NOCT: variants seen among roughly 807,000 people sequenced by gnomAD.
The protein encoded by NOCT is CCR4 carbon catabolite repression 4-like.
Under a neutral mutation model 35.0 loss-of-function variants are expected in NOCT, and 18 were observed. That is an observed-to-expected ratio of 0.51 (90% CI 0.36 to 0.76). The LOEUF (loss-of-function observed/expected upper bound fraction) is 0.76. Among genes scored for constraint, NOCT ranks in the 30% least tolerant of loss-of-function variants. NOCT has a pLI of 0.01. For synonymous variants in NOCT, 235 were observed against 226.3 expected (o/e 1.04, Z -0.34); for missense variants, 479 against 541.0 (o/e 0.89, Z 1.14).
chr4:139,039,849 T>G (rs1726803740), intron 1 of NOCT, among the ~76,000 whole-genome samples: 1 of 151,962 alleles, frequency 6.6e-6, no homozygotes, highest in African/African-American at 2.4e-5. Flanking sequence ...TGCCTCACCC[T>G]CGCGAGTAGC....
Position 139,016,093 on chromosome 4 carries a change from G to T in NOCT, c.112G>T (p.Val38Phe), listed in dbSNP as rs1242352252. The T allele has an allele frequency of 2.9e-6, 4 of 1,389,510 alleles. No homozygotes were observed. In the East Asian group the frequency reaches 1.2e-4, roughly 43 times the overall value. 86.1% of individuals were successfully genotyped at this position (1,389,510 alleles called of 1,614,324 possible). Residue 38 changes from valine to phenylalanine, a missense_variant, in exon 1 of 3, where the codon GTT becomes TTT. By Grantham distance (50) the Val-to-Phe change is conservative (BLOSUM62 -1). Coordinates refer to ENST00000280614, the MANE Select transcript of NOCT (RefSeq NM_012118.4). ...LRRPLSPPAA[V>F]PRPASPRLLA... ...CCGCCCGTTGTCCCCGCCGGCTGCT[G>T]TTCCCAGGCCCGCATCCCCCCGGCT...
intron 1 of NOCT, among the ~76,000 whole-genome samples, chr4:139,019,461 A>G (rs1726371359): frequency 6.6e-6 from 1 of 152,220 alleles, no homozygotes; most frequent in Admixed American, 6.5e-5. Context: ...TGAAATGACA[A>G]AAAGAATAAC....
rs559906638 is a variant in NOCT at position 139,042,828 on chromosome 4, T to G, written c.191-246T>G. ...TACTTGGGAGGCTGAGGCAGGAGAA[T>G]TGCTTGAACCTGGGGGTGGAGGTTG... is the stretch of plus-strand genomic sequence containing the variant. On this transcript the variant is annotated intron_variant, in intron 1 of 2. Transcript: ENST00000280614. Among the ~76,000 whole-genome samples, 3 of 151,808 alleles carry G rather than the reference T, an allele frequency of 2.0e-5. No individual in the cohort carries two copies. The East Asian group carries it at 5.8e-4, about 29-fold the overall frequency.
intron 1 of NOCT, among the ~76,000 whole-genome samples, chr4:139,016,641 G>GTTTTTTTTTTTTTTTTTT (rs10541748): frequency 1.9e-5 from 1 of 53,786 alleles, no homozygotes; most frequent in Non-Finnish European, 3.2e-5. Context: ...GTTTTACGTT[G>GTTTTTTTTTTTTTTTTTT]TTTTTTTTTT....
chr4:139,035,422 C>T (rs954261782), intron 1 of NOCT, among the ~76,000 whole-genome samples: 3 of 152,194 alleles, frequency 2.0e-5, no homozygotes, highest in Non-Finnish European at 4.4e-5. Flanking sequence ...AGGCATGAGC[C>T]ACCACACCCA....
At chr4:139,019,891 G>C (rs561327716) in intron 1 of NOCT, among the ~76,000 whole-genome samples, 1 of 152,296 alleles carries the variant, frequency 6.6e-6, no homozygotes, top group South Asian at 2.1e-4. Context: ...AGAGCTGGCT[G>C]AACTACTGTT....
Position 139,016,087 on chromosome 4 carries a change from GC to G in NOCT, c.107del (p.Ala36ValfsTer47). 1 of 1,390,330 alleles carries G rather than the reference GC, an allele frequency of 7.2e-7. No individual in the cohort carries two copies. Among genetic ancestry groups the G allele is most frequent in the Non-Finnish European group, 9.3e-7 (1 of 1,070,502 alleles). 86.1% of individuals were successfully genotyped at this position (1,390,330 alleles called of 1,614,324 possible). ...GCTGCGCCGCCCGTTGTCCCCGCCGGCTGCTGTTCCCAGGCCCGCATCCCCC... is the reference window on the plus strand; with the variant it reads ...GCTGCGCCGCCCGTTGTCCCCGCCGGTGCTGTTCCCAGGCCCGCATCCCCC... ...PGLRRPLSPP[A>X]AVPRPASPRL... On this transcript the variant is annotated frameshift_variant, in exon 1 of 3. Coordinates refer to ENST00000280614, the MANE Select transcript of NOCT (RefSeq NM_012118.4). LOFTEE classifies it high-confidence loss of function.
At chr4:139,029,008 T>C (rs1362930660) in intron 1 of NOCT, among the ~76,000 whole-genome samples, 1 of 152,014 alleles carries the variant, frequency 6.6e-6, no homozygotes, top group African/African-American at 2.4e-5. Context: ...CCAGCTAATT[T>C]TTGTATTTTT....
chr4:139,017,259 CTCT>C (rs1726329361), intron 1 of NOCT, among the ~76,000 whole-genome samples: 1 of 112,664 alleles, frequency 8.9e-6, no homozygotes, highest in African/African-American at 3.3e-5. Context: ...CGGAGTTTTG[CTCT>C]TATTTCCCAG....
At chr4:139,041,842 C>G (rs987249932) in intron 1 of NOCT, among the ~76,000 whole-genome samples, 1 of 152,050 alleles carries the variant, frequency 6.6e-6, no homozygotes, top group African/African-American at 2.4e-5. Flanking sequence ...ATAGAGTATA[C>G]CACTCAGTGA....
Position 139,044,132 on chromosome 4 carries a change from A to ATT in NOCT, c.461-497_461-496dup, listed in dbSNP as rs11400088. On this transcript the variant is annotated intron_variant, in intron 2 of 2. Transcript: ENST00000280614. ...AGATTTTAAGAAAAACAAGGGCCTG[A>ATT]TTTTTTTTTTTCCTGGAAAATAAGG... is the stretch of plus-strand genomic sequence containing the variant. Among the ~76,000 whole-genome samples the ATT allele has an allele frequency of 5.8e-3, 852 of 147,398 alleles. 9 individuals are homozygous for ATT. Among genetic ancestry groups the ATT allele is most frequent in the African/African-American group, 0.02 (789 of 40,168 alleles).
At chr4:139,029,118 C>A in intron 1 of NOCT, among the ~76,000 whole-genome samples, 1 of 152,154 alleles carries the variant, frequency 6.6e-6, no homozygotes, top group Non-Finnish European at 1.5e-5. Flanking sequence ...GGATTACAGG[C>A]GTGAGCCACC....
intron 1 of NOCT, among the ~76,000 whole-genome samples, chr4:139,042,057 C>T (rs1481177848): frequency 6.8e-6 from 1 of 146,870 alleles, no homozygotes; most frequent in Non-Finnish European, 1.5e-5. Context: ...TTTTTACAAA[C>T]TAGTCTTTAA....
intron 1 of NOCT, among the ~76,000 whole-genome samples, chr4:139,018,498 T>C (rs1726355775): frequency 6.6e-6 from 1 of 152,242 alleles, no homozygotes; most frequent in South Asian, 2.1e-4. Flanking sequence ...AAGGACTTTA[T>C]GGTACTTAAA....
intron 1 of NOCT, among the ~76,000 whole-genome samples, chr4:139,023,266 G>T (rs1445710509): frequency 9.2e-5 from 14 of 152,140 alleles, no homozygotes. Context: ...AGCTCTGTTT[G>T]CCGATCTGCA....
At chr4:139,039,170 C>CAAAAAAAAAAAAAAAAAAAAAAAAAAA (rs59445691) in intron 1 of NOCT, among the ~76,000 whole-genome samples, 1 of 91,336 alleles carries the variant, frequency 1.1e-5, no homozygotes, top group African/African-American at 4.3e-5. Flanking sequence ...GACTCCATTT[C>CAAAAAAAAAAAAAAAAAAAAAAAAAAA]AAAAAAAAAA....
intron 1 of NOCT, among the ~76,000 whole-genome samples, chr4:139,022,500 A>G (rs893305674): frequency 6.6e-6 from 1 of 152,194 alleles, no homozygotes; most frequent in East Asian, 1.9e-4. Context: ...GGATTTTAAT[A>G]TCTCCAAGTG....
intron 1 of NOCT, among the ~76,000 whole-genome samples, chr4:139,026,166 A>G (rs1726511408): frequency 6.6e-6 from 1 of 152,040 alleles, no homozygotes; most frequent in Admixed American, 6.6e-5. Flanking sequence ...CAGTGGCGCA[A>G]TCTCTGCTGA....
At chr4:139,035,784 G>A (rs1213157644) in intron 1 of NOCT, among the ~76,000 whole-genome samples, 2 of 152,132 alleles carry the variant, frequency 1.3e-5, no homozygotes, top group African/African-American at 4.8e-5. Flanking sequence ...CCCTCTCACT[G>A]CTTTTTCTCT....
Sources: gnomAD v4.1 joint callset for allele counts (sites outside exome capture counted in the v4.1 genomes callset) on GRCh38, gnomAD v4.1.1 for gene constraint, MANE v1.5 for transcripts, NCBI Gene and HGNC (gene_info 2026-07-23, HGNC 2026-07-21) for gene names.